PCDHA1: variants seen among roughly 807,000 people sequenced by gnomAD.
PCDHA1 encodes the protein protocadherin alpha-1.
In PCDHA1, 42 loss-of-function variants were observed where a neutral mutation model predicts 61.3. That is an observed-to-expected ratio of 0.69 (90% CI 0.54 to 0.89). PCDHA1 has a LOEUF of 0.89. PCDHA1 is among the 40% of genes least tolerant of loss of function. PCDHA1 has a pLI of 0.00. For synonymous variants in PCDHA1, 610 were observed against 553.8 expected, an observed-to-expected ratio of 1.10 and a Z score of -1.43; for missense variants, 1,256 against 1,235.3, an observed-to-expected ratio of 1.02 and a Z score of -0.25.
chr5:140,833,965 GA>G (rs2150212449), intron 1 of PCDHA1, among the ~76,000 whole-genome samples: 47 of 152,008 alleles, frequency 3.1e-4, no homozygotes, highest in South Asian at 4.2e-4. Context: ...AAAACTGTGT[GA>G]AAAAAAAGTT....
chr5:140,858,664 A>G (rs972477672), intron 1 of PCDHA1: 1 of 728,612 alleles, frequency 1.4e-6, no homozygotes, highest in African/African-American at 1.8e-5. Flanking sequence ...TTTAAATAAC[A>G]ATTTATTCTG....
chr5:140,853,435 A>G lies in PCDHA1; in HGVS notation c.2394+64751A>G, dbSNP rs2150531946. ...GTGAAAGCAGAAGAGACACTTTCCTATTTTGCCTAATAGGTCTCCTTATAT... is the reference window on the plus strand; with the variant it reads ...GTGAAAGCAGAAGAGACACTTTCCTGTTTTGCCTAATAGGTCTCCTTATAT... On this transcript the variant is annotated intron_variant, in intron 1 of 3. Coordinates refer to ENST00000504120, the MANE Select transcript of PCDHA1 (RefSeq NM_018900.4). 6.1e-5 allele frequency: 60 copies of G among 984,096 alleles called. 8 individuals carry two copies. Among genetic ancestry groups the G allele is most frequent in the Non-Finnish European group, 6.7e-5 (55 of 816,498 alleles). The allele number at this position is 984,096 out of a possible 1,614,324, so 61.0% of individuals were successfully genotyped here.
At chr5:140,947,907 C>T (rs2094191786) in intron 1 of PCDHA1, among the ~76,000 whole-genome samples, 1 of 151,546 alleles carries the variant, frequency 6.6e-6, no homozygotes, top group African/African-American at 2.4e-5. Context: ...TGAGAGCAGA[C>T]ATTCTTGCCT....
At chr5:140,907,181 A>T (rs1216886799) in intron 1 of PCDHA1, among the ~76,000 whole-genome samples, 3 of 152,220 alleles carry the variant, frequency 2.0e-5, no homozygotes, top group African/African-American at 7.2e-5. Context: ...GATTCAGAGC[A>T]TACACAACCT....
intron 1 of PCDHA1, among the ~76,000 whole-genome samples, chr5:140,945,159 A>G (rs1341706509): frequency 2.0e-5 from 3 of 152,178 alleles, no homozygotes; most frequent in Non-Finnish European, 4.4e-5. Flanking sequence ...TACACTATTG[A>G]ACTATCTGAA....
rs782655473 is a variant in PCDHA1 at position 140,788,066 on chromosome 5, G to T, written c.1776G>T (p.Ala592=). ...TGGTGGGTGCGGGTCATGTGGTGGC[G>T]AAGGTGCGCGCAGTGGACGCCGACT... ...PRLVGAGHVV[A]KVRAVDADSG... Residue 592 remains alanine, a synonymous_variant, in exon 1 of 4, where the codon GCG becomes GCT. Coordinates refer to ENST00000504120, the MANE Select transcript of PCDHA1 (RefSeq NM_018900.4). The T allele has an allele frequency of 8.1e-6, 13 of 1,613,882 alleles. No homozygotes were observed. Among genetic ancestry groups the T allele is most frequent in the South Asian group, 1.1e-5 (1 of 91,084 alleles).
Position 140,788,195 on chromosome 5 carries a change from T to A in PCDHA1, c.1905T>A (p.Arg635=), listed in dbSNP as rs1438665704. ...ACACGGGCGAGATCAGCACGACTCG[T>A]GTCCTGGACGAGGCTGACTTGTCGC... is the stretch of plus-strand genomic sequence containing the variant. The part of the protein sequence containing the change: ...GLYTGEISTT[R]VLDEADLSRY... The change falls in exon 1 of 4, where the codon CGT becomes CGA. Residue 635 remains arginine (R), a synonymous_variant. Coordinates refer to ENST00000504120, the MANE Select transcript of PCDHA1 (RefSeq NM_018900.4). 1 of 1,613,928 alleles carries A rather than the reference T, an allele frequency of 6.2e-7. No individual in the cohort carries two copies. The highest frequency in any genetic ancestry group is 1.7e-5 in the Admixed American group (1 of 60,004).
chr5:140,848,923 C>A (rs2150425002), intron 1 of PCDHA1: 1 of 1,607,740 alleles, frequency 6.2e-7, no homozygotes, highest in Non-Finnish European at 8.5e-7. Flanking sequence ...CTGTTCATCG[C>A]GGAATCCAGG....
chr5:140,840,146 G>A (rs2150303879), intron 1 of PCDHA1, among the ~76,000 whole-genome samples: 10 of 152,008 alleles, frequency 6.6e-5, no homozygotes, highest in Admixed American at 3.3e-4. Flanking sequence ...ATTATCACAC[G>A]TGAAAGGAGA....
chr5:140,801,062 G>A (rs1554121267), intron 1 of PCDHA1: 2 of 1,455,288 alleles, frequency 1.4e-6, no homozygotes, highest in East Asian at 2.4e-5. Flanking sequence ...CGTGCATTAC[G>A]TATTCAGATA....
chr5:140,949,639 T>C (rs1563239072), intron 1 of PCDHA1, among the ~76,000 whole-genome samples: 1 of 152,036 alleles, frequency 6.6e-6, no homozygotes, highest in East Asian at 1.9e-4. Flanking sequence ...ATATTGCTTT[T>C]TGTTCATTTT....
chr5:140,836,379 C>G (rs2150259226), intron 1 of PCDHA1: 1 of 1,613,734 alleles, frequency 6.2e-7, no homozygotes, highest in East Asian at 2.2e-5. Context: ...AGCCACCGTG[C>G]TGGTGTCGCT....
intron 1 of PCDHA1, chr5:140,927,270 C>A (rs541200655): frequency 1.2e-6 from 2 of 1,614,034 alleles, no homozygotes; most frequent in Non-Finnish European, 1.7e-6. Context: ...TCTTTCCTGC[C>A]GGCGACGTGC....
intron 1 of PCDHA1, chr5:140,858,198 C>T (rs1418909754): frequency 1.9e-6 from 3 of 1,597,294 alleles, no homozygotes; most frequent in African/African-American, 2.7e-5. Flanking sequence ...CTGCTGTACA[C>T]TGCACTGAGG....
chr5:140,985,508 A>G (rs2097155357), intron 3 of PCDHA1, among the ~76,000 whole-genome samples: 1 of 152,160 alleles, frequency 6.6e-6, no homozygotes, highest in Admixed American at 6.5e-5. Context: ...CCTTTCATTG[A>G]TTCTGTTGCC....
At chr5:140,967,143 A>G in intron 1 of PCDHA1, 1 of 1,611,272 alleles carries the variant, frequency 6.2e-7, no homozygotes, top group South Asian at 1.1e-5. Flanking sequence ...GTGCTGGCGC[A>G]CAACCCCGTG....
intron 1 of PCDHA1, among the ~76,000 whole-genome samples, chr5:140,952,315 G>T (rs2094717881): frequency 6.8e-6 from 1 of 147,138 alleles, no homozygotes; most frequent in Non-Finnish European, 1.5e-5. Context: ...TCCAGCCTGG[G>T]CAACAAGAGT....
chr5:140,797,027 G>C (rs1554120257), intron 1 of PCDHA1: 2 of 1,613,724 alleles, frequency 1.2e-6, no homozygotes, highest in South Asian at 2.2e-5. Context: ...GGCGCCGCGG[G>C]CTCAGAGGCT....
chr5:140,829,881 T>C, intron 1 of PCDHA1: 1 of 1,613,934 alleles, frequency 6.2e-7, no homozygotes, highest in Non-Finnish European at 8.5e-7. Flanking sequence ...GTGCGCGCAG[T>C]TGACGCCGAC....
Sources: allele counts gnomAD v4.1 joint callset (sites outside exome capture counted in the v4.1 genomes callset), GRCh38; gene constraint gnomAD v4.1.1; transcripts MANE v1.5; gene names NCBI Gene and HGNC (gene_info 2026-07-23, HGNC 2026-07-21).